The following OPCML variants were observed in gnomAD, a reference collection of about 807,000 sequenced individuals.
OPCML encodes the protein opioid-binding protein/cell adhesion molecule.
Under a neutral mutation model 37.8 loss-of-function variants are expected in OPCML, and 13 were observed. The observed-to-expected ratio is 0.34, with a 90% CI of 0.22 to 0.55. The LOEUF (loss-of-function observed/expected upper bound fraction) is 0.55. OPCML is among the 20% of genes least tolerant of loss of function. The pLI is 0.91. For synonymous variants in OPCML, 176 were observed against 168.8 expected (o/e 1.04, Z -0.33); for missense variants, 341 against 435.6 (o/e 0.78, Z 1.93).
intron 3 of OPCML, among the ~76,000 whole-genome samples, chr11:132,626,509 G>A (rs1487922588): frequency 6.6e-6 from 1 of 151,774 alleles, no homozygotes; most frequent in East Asian, 1.9e-4. Flanking sequence ...AAAAATATAT[G>A]TATGTTATGA....
chr11:133,484,030 TTAGATAGATAGATAGA>T (rs71038531), intron 1 of OPCML, among the ~76,000 whole-genome samples: 3,485 of 134,894 alleles, frequency 0.026, 44 homozygotes, highest in Non-Finnish European at 0.035. Flanking sequence ...GATGGACAGA[TTAGATAGATAGATAGA>T]TAGATAGATA....
intron 2 of OPCML, among the ~76,000 whole-genome samples, chr11:132,850,140 A>G (rs1378233409): frequency 1.3e-5 from 2 of 152,096 alleles, no homozygotes; most frequent in African/African-American, 4.8e-5. Flanking sequence ...AAGTGAAGTA[A>G]TCCTTCAAAG....
chr11:132,481,544 G>T lies in OPCML; in HGVS notation c.506-44185C>A, dbSNP rs1387889640. Among the ~76,000 whole-genome samples the T allele has an allele frequency of 8.6e-5, 13 of 150,768 alleles. 1 individual carries two copies. In the East Asian group the frequency reaches 2.5e-3, roughly 29 times the overall value. On this transcript the variant is annotated intron_variant, in intron 4 of 7. Transcript: ENST00000524381. ...AAGTCAACAAGGATACCCAGGAATTGAACTCAGCTCTGCACCAAGTGGACC... is the reference window on the plus strand; with the variant it reads ...AAGTCAACAAGGATACCCAGGAATTTAACTCAGCTCTGCACCAAGTGGACC...
chr11:133,301,251 C>A (rs1465820313), intron 1 of OPCML: 1 of 152,164 alleles, frequency 6.6e-6, no homozygotes, highest in Non-Finnish European at 1.5e-5. Context: ...ACAATTAACA[C>A]AATCCCATGC....
intron 2 of OPCML, among the ~76,000 whole-genome samples, chr11:132,855,559 A>G (rs1942022513): frequency 6.6e-6 from 1 of 152,170 alleles, no homozygotes; most frequent in Non-Finnish European, 1.5e-5. Flanking sequence ...GGGTTAATAT[A>G]TAGGAGCGGG....
In OPCML at chr11:132,709,041, G is replaced by T. The variant is rs562199885; in HGVS notation, c.147-51722C>A. Among the ~76,000 whole-genome samples, 396 of 152,154 alleles carry T rather than the reference G, an allele frequency of 2.6e-3. 3 individuals are homozygous for T. Among genetic ancestry groups the T allele is most frequent in the South Asian group, 5.4e-3 (26 of 4,796 alleles). On this transcript the variant is annotated intron_variant, in intron 2 of 7. Transcript: ENST00000524381. ...AGGCAGGTATTTAATAAACTTAAAG[G>T]GAATTTCACCAGTTGTCATTTCTCT...
intron 7 of OPCML, among the ~76,000 whole-genome samples, chr11:132,434,035 C>G (rs1330974600): frequency 6.6e-6 from 1 of 152,176 alleles, no homozygotes; most frequent in African/African-American, 2.4e-5. Context: ...CAGAGAGAGA[C>G]AAGAAGGGCC....
At chr11:133,498,325 A>G (rs79022906) in intron 1 of OPCML, among the ~76,000 whole-genome samples, 2,635 of 152,288 alleles carry the variant, frequency 0.017, 76 homozygotes, top group African/African-American at 0.059. Context: ...CAAGACATGA[A>G]GTAGAGACAA....
intron 2 of OPCML, among the ~76,000 whole-genome samples, chr11:132,823,262 C>T: frequency 6.6e-6 from 1 of 152,174 alleles, no homozygotes; most frequent in East Asian, 1.9e-4. Context: ...TCCCTTCCTT[C>T]CCAGTAGAAC....
chr11:133,355,955 A>C (rs1282677861), intron 1 of OPCML, among the ~76,000 whole-genome samples: 2 of 152,150 alleles, frequency 1.3e-5, no homozygotes, highest in Admixed American at 6.5e-5. Context: ...GGACAGAGGG[A>C]TTTAAATAGA....
intron 1 of OPCML, among the ~76,000 whole-genome samples, chr11:133,315,341 G>C (rs1398877633): frequency 6.6e-6 from 1 of 152,012 alleles, no homozygotes; most frequent in Non-Finnish European, 1.5e-5. Context: ...AAATCGCCTT[G>C]ACCACTGAGA....
intron 1 of OPCML, among the ~76,000 whole-genome samples, chr11:133,273,986 C>T (rs1009836631): frequency 6.6e-6 from 1 of 152,192 alleles, no homozygotes; most frequent in Admixed American, 6.5e-5. Flanking sequence ...TACTATTATA[C>T]ATGTAATATA....
At chr11:132,529,212 T>C in intron 3 of OPCML, 26 bp from the exon 4 acceptor site, 1 of 1,584,342 alleles carries the variant, frequency 6.3e-7, no homozygotes, top group Non-Finnish European at 8.6e-7. Context: ...ATAGAAGAAA[T>C]ACCTGAGAAT....
At chr11:132,694,208 TTTTTTTTTTA>T (rs1243634138) in intron 2 of OPCML, among the ~76,000 whole-genome samples, 23 of 73,676 alleles carry the variant, frequency 3.1e-4, no homozygotes, top group Middle Eastern at 7.9e-3. Context: ...TTTTTTTTTT[TTTTTTTTTTA>T]AGACGGAATC....
intron 3 of OPCML, among the ~76,000 whole-genome samples, chr11:132,596,049 C>A (rs930509586): frequency 1.3e-5 from 2 of 152,130 alleles, no homozygotes; most frequent in African/African-American, 2.4e-5. Flanking sequence ...CAGACTCCAC[C>A]ACTTGGCTGT....
At chr11:133,225,443 G>A (rs1015327975) in intron 1 of OPCML, among the ~76,000 whole-genome samples, 13 of 152,218 alleles carry the variant, frequency 8.5e-5, no homozygotes, top group Admixed American at 2.6e-4. Context: ...CCAGCAGCTC[G>A]CTTCCCTCAT....
At chr11:132,525,655 C>T (rs1026179553) in intron 4 of OPCML, among the ~76,000 whole-genome samples, 3 of 152,126 alleles carry the variant, frequency 2.0e-5, no homozygotes, top group African/African-American at 7.2e-5. Context: ...AGTCACCCTG[C>T]AGATGCAAAT....
chr11:132,921,289 C>T (rs1944791399), intron 2 of OPCML, among the ~76,000 whole-genome samples: 1 of 152,176 alleles, frequency 6.6e-6, no homozygotes, highest in Admixed American at 6.5e-5. Context: ...AAGGCCACGA[C>T]GCAGTGAATG....
At chr11:132,843,345 C>T (rs1288255901) in intron 2 of OPCML, among the ~76,000 whole-genome samples, 2 of 151,900 alleles carry the variant, frequency 1.3e-5, no homozygotes, top group Non-Finnish European at 2.9e-5. Context: ...GTGATCCACC[C>T]GCCTTGGCCT....
Sources: gnomAD v4.1 joint callset for allele counts (sites outside exome capture counted in the v4.1 genomes callset) on GRCh38, gnomAD v4.1.1 for gene constraint, MANE v1.5 for transcripts, NCBI Gene and HGNC (gene_info 2026-07-23, HGNC 2026-07-21) for gene names.